Variants in SNX14 observed in about 807,000 individuals in gnomAD.
The protein encoded by SNX14 is sorting nexin 14.
Under a neutral mutation model 133.8 loss-of-function variants are expected in SNX14, and 93 were observed. That is an observed-to-expected ratio of 0.70 (90% CI 0.59 to 0.83). The LOEUF (loss-of-function observed/expected upper bound fraction) is 0.83. Ranked by LOEUF, SNX14 falls within the 40% of genes least tolerant of loss-of-function variation. The pLI, the probability that SNX14 is intolerant of heterozygous loss-of-function variation, is 0.00. For missense variants in SNX14, 945 were observed against 1,094.9 expected (o/e 0.86, Z 1.93); for synonymous variants, 368 against 365.6 (o/e 1.01, Z -0.07).
rs142507449 is a variant in SNX14 at position 85,592,471 on chromosome 6, T to A, written c.140+1108A>T. Among the ~76,000 whole-genome samples, 739 of 152,348 alleles carry A rather than the reference T, an allele frequency of 4.9e-3. 2 individuals are homozygous for A. The highest frequency in any genetic ancestry group is 0.01 in the Middle Eastern group (3 of 294). ...TGCTGTCAATGAGAACTATCTCAGATTTCTTTCCACCAAAAGCAAATCTGG... is the reference window on the plus strand; with the variant it reads ...TGCTGTCAATGAGAACTATCTCAGAATTCTTTCCACCAAAAGCAAATCTGG... On this transcript the variant is annotated intron_variant, in intron 1 of 28. Coordinates refer to ENST00000314673, the MANE Select transcript of SNX14 (RefSeq NM_153816.6).
intron 1 of SNX14, among the ~76,000 whole-genome samples, chr6:85,587,928 T>C (rs1801478199): frequency 6.6e-6 from 1 of 152,128 alleles, no homozygotes; most frequent in African/African-American, 2.4e-5. Flanking sequence ...ATGAAACAGA[T>C]ACATACCTTA....
chr6:85,589,375 C>T (rs1473216888), intron 1 of SNX14: 1 of 153,832 alleles, frequency 6.5e-6, no homozygotes. Context: ...CGTGTACCTC[C>T]ACATCCAGCT....
intron 1 of SNX14, among the ~76,000 whole-genome samples, chr6:85,585,919 T>A (rs755186018): frequency 6.7e-6 from 1 of 149,708 alleles, no homozygotes; most frequent in Non-Finnish European, 1.5e-5. Flanking sequence ...CTATCTTACA[T>A]ATCCACTGAT....
intron 17 of SNX14, 89 bp downstream of exon 17, chr6:85,536,703 C>CA (rs1782061613): frequency 6.0e-6 from 8 of 1,331,584 alleles, no homozygotes; most frequent in South Asian, 3.2e-5. Flanking sequence ...ACAGATTCTC[C>CA]AAAAAAAGGA....
intron 26 of SNX14, among the ~76,000 whole-genome samples, chr6:85,509,596 CCT>C (rs893541731): frequency 3.4e-4 from 52 of 152,212 alleles, no homozygotes; most frequent in African/African-American, 1.1e-3. Flanking sequence ...GCATATGTTC[CCT>C]GTCTTGTCTC....
Position 85,509,418 on chromosome 6 carries a change from T to C in SNX14, c.2654-1359A>G, listed in dbSNP as rs951711657. Among the ~76,000 whole-genome samples the C allele has an allele frequency of 7.6e-4, 115 of 152,204 alleles. 1 individual carries two copies. The highest frequency in any genetic ancestry group is 1.2e-3 in the Non-Finnish European group (84 of 68,024). ...TTCAGTTTTATATTCAGAGCAGATA[T>C]TTAAGTTAATTATTTTCACAAGGAA... On this transcript the variant is annotated intron_variant, in intron 26 of 28. Transcript: ENST00000314673.
chr6:85,543,091 T>C, intron 14 of SNX14, 91 bp downstream of exon 14: 1 of 1,210,546 alleles, frequency 8.3e-7, no homozygotes, highest in Non-Finnish European at 1.1e-6. Flanking sequence ...TTTCTATTTA[T>C]TTTGTTATTT....
At chr6:85,531,253 C>G (rs1780204108) in intron 18 of SNX14, among the ~76,000 whole-genome samples, 1 of 152,168 alleles carries the variant, frequency 6.6e-6, no homozygotes, top group Admixed American at 6.5e-5. Flanking sequence ...ACCATGTGGC[C>G]TTGAACAAAT....
chr6:85,519,749 A>T (rs1776207769), intron 21 of SNX14, among the ~76,000 whole-genome samples: 1 of 152,304 alleles, frequency 6.6e-6, no homozygotes, highest in Admixed American at 6.5e-5. Flanking sequence ...CACGCCTGTT[A>T]TCCCAGCTAC....
intron 1 of SNX14, chr6:85,581,921 G>A (rs922697448): frequency 1.3e-5 from 2 of 152,168 alleles, no homozygotes; most frequent in African/African-American, 4.8e-5. Flanking sequence ...AGGATAGAAA[G>A]TTTATTCAAA....
intron 1 of SNX14, among the ~76,000 whole-genome samples, chr6:85,587,361 A>C (rs1035962370): frequency 1.4e-4 from 21 of 152,242 alleles, no homozygotes; most frequent in Non-Finnish European, 5.9e-5. Context: ...AAGGATACAA[A>C]TATACAAAAC....
At position 85,526,160 on chromosome 6, in the gene SNX14, T is replaced by C; in HGVS notation, c.2073A>G (p.Gln691=). The C allele has an allele frequency of 6.2e-7, 1 of 1,606,190 alleles. No homozygotes were observed. Among genetic ancestry groups the C allele is most frequent in the Non-Finnish European group, 8.5e-7 (1 of 1,175,532 alleles). ...CATCTGGTAGTATCTTATCAAGAAA[T>C]TGTGTTTCCCCACCATTAGGGGAAA... ...DFLSPNGGET[Q]FLDKILPDVN... The change falls in exon 21 of 29, where the codon CAA becomes CAG. Residue 691 remains glutamine (Q), a synonymous_variant. Transcript: ENST00000314673.
chr6:85,583,505 A>T (rs1583122553), intron 1 of SNX14, among the ~76,000 whole-genome samples: 3 of 152,214 alleles, frequency 2.0e-5, no homozygotes, highest in Non-Finnish European at 2.9e-5. Context: ...AGAAAACCCC[A>T]TCATCTCAGC....
chr6:85,514,084 AT>A lies in SNX14; in HGVS notation c.2542del (p.Ile848Ter). The part of the protein sequence containing the change: ...LFQEHRLVSL[I>X]TLLRDAIFCE... Reference sequence around the variant, plus strand: ...AAAATACAAACCTCTGAGAAGTGTTATGAGTGAGACCAAACGGTGCTCCTGA... The same window carrying A: ...AAAATACAAACCTCTGAGAAGTGTTAGAGTGAGACCAAACGGTGCTCCTGA... On this transcript the variant is annotated frameshift_variant, in exon 25 of 29. Coordinates refer to ENST00000314673, the MANE Select transcript of SNX14 (RefSeq NM_153816.6). LOFTEE classifies it high-confidence loss of function. The A allele has an allele frequency of 1.9e-6, 3 of 1,612,168 alleles. No homozygotes were observed. The highest frequency in any genetic ancestry group is 2.5e-6 in the Non-Finnish European group (3 of 1,179,466).
chr6:85,517,859 T>C lies in SNX14; in HGVS notation c.2165A>G (p.Glu722Gly), dbSNP rs759611618. 4.4e-6 allele frequency: 7 copies of C among 1,607,728 alleles called. No homozygotes were observed. The highest frequency in any genetic ancestry group is 5.9e-6 in the Non-Finnish European group (7 of 1,178,362). ...ATTAATGAAATTCATGATAAAAGGT[T>C]CCAAATGCTGACCTTTCTGTGGTGA... ...KLMKEKGQHL[E>G]PFIMNFINSC... is the part of the protein sequence containing the mutation. The change falls in exon 23 of 29, where the codon GAA becomes GGA. Residue 722 changes from glutamate (E) to glycine (G), a missense_variant. By Grantham distance (98) the Glu-to-Gly change is moderately conservative. Coordinates refer to ENST00000314673, the MANE Select transcript of SNX14 (RefSeq NM_153816.6).
chr6:85,593,586 G>A lies in SNX14; in HGVS notation c.133C>T (p.Leu45Phe). 1 of 1,611,368 alleles carries A rather than the reference G, an allele frequency of 6.2e-7. No homozygotes were observed. Among genetic ancestry groups the A allele is most frequent in the Non-Finnish European group, 8.5e-7 (1 of 1,179,132 alleles). Residue 45 changes from leucine (L) to phenylalanine (F), a missense_variant, in exon 1 of 29, where the codon CTT becomes TTT. Around this residue, in one of 3 missense-constraint regions of SNX14, gnomAD observed 514 missense variants for 538.8 expected, o/e 0.95. Transcript: ENST00000314673. ...TCCGCGCTGCGGCGTTACCTGTTAAGAAGCAGGGAGGCGGCGCTGAGACAG... is the reference window on the plus strand; with the variant it reads ...TCCGCGCTGCGGCGTTACCTGTTAAAAAGCAGGGAGGCGGCGCTGAGACAG... ...LLCLSAASLL[L>F]NRYIHILMIF... is the part of the protein sequence containing the mutation.
At chr6:85,547,035 T>A in intron 12 of SNX14, 77 bp downstream of exon 12, 6 of 832,022 alleles carry the variant, frequency 7.2e-6, no homozygotes, top group Non-Finnish European at 1.1e-5. Context: ...TACCACAACA[T>A]CAGATCTGAT....
In SNX14 at chr6:85,509,785, A is replaced by C. The variant is rs149684330; in HGVS notation, c.2654-1726T>G. Among the ~76,000 whole-genome samples, 500 of 152,238 alleles carry C rather than the reference A, an allele frequency of 3.3e-3. 3 individuals carry two copies. The highest frequency in any genetic ancestry group is 5.8e-3 in the Non-Finnish European group (392 of 68,014). ...GTAACCATCATTATAGAGTAGTTTC[A>C]CTGCCCCAAAAAATCCTCTCTGCTC... is the stretch of plus-strand genomic sequence containing the variant. On this transcript the variant is annotated intron_variant, in intron 26 of 28. Coordinates refer to ENST00000314673, the MANE Select transcript of SNX14 (RefSeq NM_153816.6).
At chr6:85,542,129 T>C in intron 14 of SNX14, 86 bp from the exon 15 acceptor site, 1 of 931,318 alleles carries the variant, frequency 1.1e-6, no homozygotes, top group South Asian at 2.0e-5. Context: ...CTTTCCAGTT[T>C]TGGGAAAAAA....
Sources: allele counts gnomAD v4.1 joint callset (sites outside exome capture counted in the v4.1 genomes callset), GRCh38; gene constraint gnomAD v4.1.1; regional missense constraint gnomAD v4.1.1; transcripts MANE v1.5; gene names NCBI Gene and HGNC (gene_info 2026-07-23, HGNC 2026-07-21).